The following FMN2 variants were observed in gnomAD, a reference collection of about 807,000 sequenced individuals.
The protein encoded by FMN2 is formin 2, also known as formin-2.
In FMN2, 51 loss-of-function variants were observed where a neutral mutation model predicts 142.3. The ratio of observed to expected loss-of-function variants is 0.36; its 90% confidence interval spans 0.29 to 0.45. The LOEUF (loss-of-function observed/expected upper bound fraction) is 0.45. FMN2 is among the 20% of genes least tolerant of loss of function. The pLI is 1.00. For missense variants in FMN2, 1,936 were observed against 2,122.8 expected (o/e 0.91, Z 1.73); for synonymous variants, 882 against 869.8 (o/e 1.01, Z -0.25).
intron 4 of FMN2, among the ~76,000 whole-genome samples, chr1:240,189,119 G>A (rs1572039407): frequency 6.6e-6 from 1 of 150,776 alleles, no homozygotes; most frequent in African/African-American, 2.5e-5. Flanking sequence ...GCCAAATTTT[G>A]TGGGTTTTTT....
chr1:240,432,684 T>C (rs1008022347), intron 15 of FMN2, among the ~76,000 whole-genome samples: 2 of 152,078 alleles, frequency 1.3e-5, no homozygotes, highest in Non-Finnish European at 2.9e-5. Context: ...ATATTTTTTG[T>C]TTTTATTTTT....
chr1:240,301,913 A>T lies in FMN2; in HGVS notation c.4215+7030A>T, dbSNP rs1670214269. Among the ~76,000 whole-genome samples, 4 of 127,124 alleles carry T rather than the reference A, an allele frequency of 3.1e-5. No individual in the cohort carries two copies. The South Asian group carries it at 9.5e-4, about 30-fold the overall frequency. 83.4% of individuals were successfully genotyped at this position (127,124 alleles called of 152,430 possible). A position where few individuals can be genotyped will look rare whatever the true frequency, so the allele number is the denominator to read the frequency against. On this transcript the variant is annotated intron_variant, in intron 8 of 17. Coordinates refer to ENST00000319653, the MANE Select transcript of FMN2 (RefSeq NM_020066.5). ...ATTGTGATTTTTCACCACATTTGAC[A>T]GTTTCCATCTCTCGTCCTTCAACCT...
intron 8 of FMN2, among the ~76,000 whole-genome samples, chr1:240,328,169 A>AAAAAAAAAAAAAAAAAAC (rs1572198299): frequency 8.0e-6 from 1 of 125,086 alleles, no homozygotes; most frequent in South Asian, 2.7e-4. Flanking sequence ...AAAAAAAAAA[A>AAAAAAAAAAAAAAAAAAC]AAAGAAAAAG....
At chr1:240,170,818 T>C in intron 2 of FMN2, 5 of 864,980 alleles carry the variant, frequency 5.8e-6, no homozygotes, top group Non-Finnish European at 1.0e-5. Context: ...GGCTGGTGCA[T>C]CCCGGATCAT....
intron 6 of FMN2, among the ~76,000 whole-genome samples, chr1:240,252,953 CTTTTTTT>C (rs59902639): frequency 3.1e-5 from 2 of 65,346 alleles, no homozygotes; most frequent in African/African-American, 1.4e-4. Context: ...GTCTTGTTCA[CTTTTTTT>C]TTTTTTTTTT....
chr1:240,379,254 T>C (rs185767802), intron 14 of FMN2, among the ~76,000 whole-genome samples: 2 of 152,280 alleles, frequency 1.3e-5, no homozygotes, highest in East Asian at 3.9e-4. Context: ...TTGTGATCAG[T>C]GACAGCTCTC....
chr1:240,381,198 CACA>C (rs1673215523), intron 14 of FMN2, among the ~76,000 whole-genome samples: 1 of 152,054 alleles, frequency 6.6e-6, no homozygotes, highest in African/African-American at 2.4e-5. Context: ...CAGGCTAGAA[CACA>C]ACAACAGAAA....
intron 2 of FMN2, among the ~76,000 whole-genome samples, chr1:240,136,585 G>C (rs577859752): frequency 7.9e-4 from 120 of 152,058 alleles, no homozygotes; most frequent in Non-Finnish European, 1.2e-3. Context: ...AACAGTGTTG[G>C]GTGACTCAGA....
chr1:240,385,420 G>A (rs1673374003), intron 14 of FMN2, among the ~76,000 whole-genome samples: 2 of 152,274 alleles, frequency 1.3e-5, no homozygotes, highest in Middle Eastern at 3.4e-3. Flanking sequence ...AAAAAGGAAA[G>A]GAATTGGCCC....
intron 2 of FMN2, among the ~76,000 whole-genome samples, chr1:240,126,343 T>A (rs1383761625): frequency 6.6e-6 from 1 of 151,970 alleles, no homozygotes; most frequent in African/African-American, 2.4e-5. Context: ...AATAATGTCA[T>A]AACTGGTACC....
chr1:240,472,943 C>CAAAAAAAAA (rs372290294), intron 17 of FMN2, among the ~76,000 whole-genome samples: 1 of 90,662 alleles, frequency 1.1e-5, no homozygotes, highest in Non-Finnish European at 2.2e-5. Flanking sequence ...GACTTTGTCT[C>CAAAAAAAAA]AAAAAAAAAA....
chr1:240,367,125 T>C (rs1398256635), intron 14 of FMN2, among the ~76,000 whole-genome samples: 1 of 152,238 alleles, frequency 6.6e-6, no homozygotes, highest in Non-Finnish European at 1.5e-5. Flanking sequence ...TTTGACCCAA[T>C]TGACTCTTTA....
intron 4 of FMN2, among the ~76,000 whole-genome samples, chr1:240,197,591 G>T (rs561043106): frequency 3.9e-5 from 6 of 152,244 alleles, no homozygotes; most frequent in African/African-American, 1.4e-4. Context: ...ACACTCATCT[G>T]GTGTCTATAA....
chr1:240,240,510 T>A (rs547506036), intron 6 of FMN2, among the ~76,000 whole-genome samples: 1 of 152,362 alleles, frequency 6.6e-6, no homozygotes, highest in Non-Finnish European at 1.5e-5. Context: ...TTATTTGTGA[T>A]GATTAATATC....
intron 8 of FMN2, among the ~76,000 whole-genome samples, chr1:240,296,438 CTTTTTTTT>C (rs772711130): frequency 6.4e-5 from 3 of 46,910 alleles, no homozygotes; most frequent in Non-Finnish European, 1.1e-4. Context: ...TCTTTGAGTG[CTTTTTTTT>C]TTTTTTTTTT....
intron 16 of FMN2, among the ~76,000 whole-genome samples, chr1:240,460,138 CTG>C (rs1167606710): frequency 1.1e-4 from 17 of 152,326 alleles, no homozygotes; most frequent in Middle Eastern, 3.4e-3. Context: ...CTATAGCCCA[CTG>C]TGTTTCCACG....
Position 240,143,422 on chromosome 1 carries a change from A to G in FMN2, c.1782+20077A>G, listed in dbSNP as rs370588814. The stretch of plus-strand genomic sequence containing the variant: ...CACAGCAATAAGGGCAATCCCCAGA[A>G]CAGCCACTCCCTGATGTGCTCCCAT... On this transcript the variant is annotated intron_variant, in intron 2 of 17. Coordinates refer to ENST00000319653, the MANE Select transcript of FMN2 (RefSeq NM_020066.5). 1.6e-5 allele frequency: 23 copies of G among 1,431,034 alleles called. No homozygotes were observed. In the East Asian group the frequency reaches 5.2e-4, roughly 33 times the overall value. 88.6% of individuals were successfully genotyped at this position (1,431,034 alleles called of 1,614,324 possible).
intron 16 of FMN2, among the ~76,000 whole-genome samples, chr1:240,470,356 G>T (rs1352222729): frequency 6.6e-6 from 1 of 152,158 alleles, no homozygotes; most frequent in African/African-American, 2.4e-5. Context: ...TTAGAGGAAG[G>T]ATTAAAGGCA....
intron 8 of FMN2, among the ~76,000 whole-genome samples, chr1:240,299,936 G>A (rs1006886888): frequency 3.9e-5 from 6 of 152,094 alleles, no homozygotes; most frequent in African/African-American, 9.7e-5. Flanking sequence ...ATAAGGTGGC[G>A]CGCTGTATGA....
Sources: gnomAD v4.1 joint callset for allele counts (sites outside exome capture counted in the v4.1 genomes callset) on GRCh38, gnomAD v4.1.1 for gene constraint, MANE v1.5 for transcripts, NCBI Gene and HGNC (gene_info 2026-07-23, HGNC 2026-07-21) for gene names.